RESF1: variants seen among roughly 807,000 people sequenced by gnomAD.
RESF1 encodes the protein gonad expressed transcript.
Under a neutral mutation model 134.7 loss-of-function variants are expected in RESF1, and 65 were observed. That is an observed-to-expected ratio of 0.48 (90% confidence interval 0.40 to 0.59). The LOEUF (loss-of-function observed/expected upper bound fraction) is 0.59, where lower values mean the gene tolerates loss of function less well. Among genes scored for constraint, RESF1 ranks in the 20% least tolerant of loss-of-function variants. The pLI is 0.00. For synonymous variants in RESF1, 762 were observed against 702.2 expected (o/e 1.09, Z -1.35); for missense variants, 2,274 against 2,002.7 (o/e 1.14, Z -2.59).
chr12:31,976,351 CA>C (rs1449468233), intron 3 of RESF1, among the ~76,000 whole-genome samples: 4 of 152,160 alleles, frequency 2.6e-5, no homozygotes, highest in African/African-American at 9.7e-5. Context: ...TAACATTAAA[CA>C]GTTGATAAAC....
In RESF1 at chr12:31,982,140, G is replaced by C. The variant is rs1301813778; in HGVS notation, c.1185G>C (p.Arg395Ser). 1 of 1,613,546 alleles carries C rather than the reference G, an allele frequency of 6.2e-7. No homozygotes were observed. Among genetic ancestry groups the C allele is most frequent in the Non-Finnish European group, 8.5e-7 (1 of 1,179,910 alleles). ...DTSVAKEKLV[R>S]DIKTLVEIKQ... is the part of the protein sequence containing the mutation. ...GTGTTGCAAAAGAAAAGCTAGTAAG[G>C]GATATTAAAACATTAGTAGAGATAA... Residue 395 changes from arginine to serine, a missense_variant, in exon 4 of 6, where the codon AGG (arginine) becomes AGC (serine). Physicochemically the swap from Arg to Ser is moderately radical, Grantham distance 110. Transcript: ENST00000312561.
In RESF1 at chr12:31,992,525, C is replaced by A. The variant is rs778553351; in HGVS notation, c.5234C>A (p.Pro1745His). Residue 1745 changes from proline to histidine, a missense_variant, in exon 6 of 6, where the codon CCT becomes CAT. Transcript: ENST00000312561. ...AGAAGCAGAAGCCTTGGTAGCAGTC[C>A]TGTAAAATAATTACAAGATGTGGTT... ...EKRSRSLGSS[P>H]VK is the part of the protein sequence containing the mutation. 1 of 1,612,784 alleles carries A rather than the reference C, an allele frequency of 6.2e-7. No individual in the cohort carries two copies. The highest frequency in any genetic ancestry group is 8.5e-7 in the Non-Finnish European group (1 of 1,179,582).
At chr12:31,973,046 G>A (rs1028564183) in intron 3 of RESF1, among the ~76,000 whole-genome samples, 1 of 151,942 alleles carries the variant, frequency 6.6e-6, no homozygotes, top group South Asian at 2.1e-4. Flanking sequence ...CTTCATGGAA[G>A]CACAAATTCT....
At chr12:31,966,806 G>A (rs1939407251) in intron 2 of RESF1, among the ~76,000 whole-genome samples, 2 of 152,138 alleles carry the variant, frequency 1.3e-5, no homozygotes, top group Non-Finnish European at 2.9e-5. Context: ...CAATGGATTA[G>A]GATATCTGAT....
chr12:31,986,513 A>G (rs1390303114), intron 4 of RESF1, among the ~76,000 whole-genome samples: 1 of 152,228 alleles, frequency 6.6e-6, no homozygotes, highest in East Asian at 1.9e-4. Context: ...GCCTACTCAT[A>G]AGATAGAAGA....
Position 31,980,897 on chromosome 12 carries a change from C to T in RESF1, c.-59C>T. The T allele has an allele frequency of 7.9e-7, 1 of 1,259,930 alleles. No homozygotes were observed. Among genetic ancestry groups the T allele is most frequent in the Non-Finnish European group, 1.1e-6 (1 of 906,590 alleles). The allele number at this position is 1,259,930 out of a possible 1,614,324, so 78.0% of individuals were successfully genotyped here. A position where few individuals can be genotyped will look rare whatever the true frequency, so the allele number is the denominator to read the frequency against. On this transcript the variant is annotated 5_prime_UTR_variant, in exon 4 of 6. Transcript: ENST00000312561. ...TTACAGATTCCTGACATTCAGACAA[C>T]TGACTTGTAACTGACTTATAACTGA...
At chr12:31,977,205 A>C (rs1201633058) in intron 3 of RESF1, among the ~76,000 whole-genome samples, 5 of 151,874 alleles carry the variant, frequency 3.3e-5, no homozygotes, top group Non-Finnish European at 5.9e-5. Context: ...TTTGAGATGG[A>C]GTTTCGCTTT....
chr12:31,971,250 C>T (rs1204141728), intron 3 of RESF1, among the ~76,000 whole-genome samples: 1 of 152,228 alleles, frequency 6.6e-6, no homozygotes, highest in Non-Finnish European at 1.5e-5. Flanking sequence ...TCAAGTGATT[C>T]TCCTGCCTCA....
At position 31,984,299 on chromosome 12, in the gene RESF1, A is replaced by G; in HGVS notation, c.3344A>G (p.Lys1115Arg). The G allele has an allele frequency of 6.2e-7, 1 of 1,613,726 alleles. No homozygotes were observed. The change falls in exon 4 of 6, where the codon AAA becomes AGA. Residue 1115 changes from lysine (K) to arginine (R), a missense_variant. Physicochemically the swap from Lys to Arg is conservative, Grantham distance 26 (BLOSUM62 2). Coordinates refer to ENST00000312561, the MANE Select transcript of RESF1 (RefSeq NM_018169.4). ...ACAATATTAAGCTCAGAGCAAATGA[A>G]AGAAATATTTCCTGAACAGGATGAT... ...QITILSSEQM[K>R]EIFPEQDDQP...
rs141495158 is a variant in RESF1 at position 31,984,790 on chromosome 12, T to C, written c.3835T>C (p.Phe1279Leu). The C allele has an allele frequency of 1.2e-6, 2 of 1,611,400 alleles. No individual in the cohort carries two copies. Among genetic ancestry groups the C allele is most frequent in the African/African-American group, 2.7e-5 (2 of 74,652 alleles). Reference protein sequence around the residue: ...RTEQELVAGQFSSKCDKLNPL... With the variant: ...RTEQELVAGQLSSKCDKLNPL... ...AGAACAAGAATTAGTTGCTGGTCAG[T>C]TTTCATCTAAATGTGATAAACTAAA... The change falls in exon 4 of 6, where the codon TTT (phenylalanine) becomes CTT (leucine). Residue 1279 changes from phenylalanine (F) to leucine (L), a missense_variant. Physicochemically the swap from Phe to Leu is conservative, Grantham distance 22. Coordinates refer to ENST00000312561, the MANE Select transcript of RESF1 (RefSeq NM_018169.4).
At chr12:31,987,422 A>C in intron 5 of RESF1, 100 bp downstream of exon 5, 1 of 675,530 alleles carries the variant, frequency 1.5e-6, no homozygotes. Flanking sequence ...GATTTTATCC[A>C]TGTTCTTTTT....
intron 3 of RESF1, among the ~76,000 whole-genome samples, chr12:31,972,522 C>T (rs912803682): frequency 6.7e-6 from 1 of 148,646 alleles, no homozygotes; most frequent in African/African-American, 2.5e-5. Flanking sequence ...AGGAGAATGG[C>T]GTGAACCTGG....
At chr12:31,975,609 G>A (rs1351827502) in intron 3 of RESF1, among the ~76,000 whole-genome samples, 1 of 152,158 alleles carries the variant, frequency 6.6e-6, no homozygotes, top group African/African-American at 2.4e-5. Flanking sequence ...TATCACCCTG[G>A]TCAAAAGCAG....
Position 31,985,811 on chromosome 12 carries a change from C to T in RESF1, c.4856C>T (p.Thr1619Ile). 1.3e-6 allele frequency: 2 copies of T among 1,566,298 alleles called. No individual in the cohort carries two copies. Among genetic ancestry groups the T allele is most frequent in the Non-Finnish European group, 1.7e-6 (2 of 1,164,528 alleles). The change falls in exon 4 of 6, where the codon ACC becomes ATC. Residue 1619 changes from threonine to isoleucine, a missense_variant. Thr to Ile is a moderately conservative substitution (Grantham distance 89). Transcript: ENST00000312561. ...AAGAGACAGGAAAATAAACATAAGA[C>T]CTTTTTACCGGTGAAAGGTAACACA... ...KDKRQENKHK[T>I]FLPVKGNTEK...
rs77532308 is a variant in RESF1, at chr12:31,981,978, A to G, written c.1023A>G (p.Lys341=). 3.1e-3 allele frequency: 4,946 copies of G among 1,614,208 alleles called. 9 individuals are homozygous for G. The highest frequency in any genetic ancestry group is 3.7e-3 in the Non-Finnish European group (4,396 of 1,180,014). The change falls in exon 4 of 6, where the codon AAA becomes AAG. Residue 341 remains lysine, a synonymous_variant. Coordinates refer to ENST00000312561, the MANE Select transcript of RESF1 (RefSeq NM_018169.4). The stretch of plus-strand genomic sequence containing the variant: ...CAATTGGAAATTTCACTAACTTGAA[A>G]GTAAATACCAACAGCAAACAGCCTT... The part of the protein sequence containing the change: ...VSTIGNFTNL[K]VNTNSKQPFN...
chr12:31,980,642 A>G (rs572252447), intron 3 of RESF1, among the ~76,000 whole-genome samples: 1 of 152,338 alleles, frequency 6.6e-6, no homozygotes, highest in African/African-American at 2.4e-5. Flanking sequence ...TGGCATTTAA[A>G]TGTAACAAAA....
intron 4 of RESF1, among the ~76,000 whole-genome samples, chr12:31,986,591 ATTAGGTAGC>A (rs1939976152): frequency 6.6e-6 from 1 of 152,248 alleles, no homozygotes; most frequent in Non-Finnish European, 1.5e-5. Flanking sequence ...AGCTATGAAT[ATTAGGTAGC>A]TTAATGGTAG....
intron 5 of RESF1, among the ~76,000 whole-genome samples, chr12:31,991,613 CTGTTTGTT>C (rs150787872): frequency 8.8e-4 from 134 of 151,848 alleles, no homozygotes; most frequent in Non-Finnish European, 1.1e-3. Flanking sequence ...TACAGCAATT[CTGTTTGTT>C]TGTTTGTTTG....
intron 5 of RESF1, among the ~76,000 whole-genome samples, chr12:31,988,678 A>C (rs1940028501): frequency 7.7e-6 from 1 of 129,956 alleles, no homozygotes; most frequent in Non-Finnish European, 1.6e-5. Context: ...AACTAGAAAA[A>C]GTAGAGCTTT....
Sources: allele counts gnomAD v4.1 joint callset (sites outside exome capture counted in the v4.1 genomes callset), GRCh38; gene constraint gnomAD v4.1.1; transcripts MANE v1.5; gene names NCBI Gene and HGNC (gene_info 2026-07-23, HGNC 2026-07-21).